The following ESR1 variants were observed in gnomAD, a reference collection of about 807,000 sequenced individuals.
ESR1 encodes estrogen receptor.
ESR1 carries 12 observed loss-of-function variants against 52.7 expected under a neutral mutation model. The ratio of observed to expected loss-of-function variants is 0.23; its 90% confidence interval spans 0.15 to 0.37. The LOEUF (loss-of-function observed/expected upper bound fraction) is 0.37. Among genes scored for constraint, ESR1 ranks in the 10% least tolerant of loss-of-function variants. The probability of loss-of-function intolerance (pLI) is 1.00; values close to 1 mark genes in which losing one functional copy is unlikely to be tolerated. For synonymous variants in ESR1, 305 were observed against 316.8 expected, an observed-to-expected ratio of 0.96 and a Z score of 0.39; for missense variants, 584 against 779.7, an observed-to-expected ratio of 0.75 and a Z score of 2.99.
chr6:152,095,840 A>C (rs2050567268), intron 7 of ESR1, among the ~76,000 whole-genome samples: 1 of 152,244 alleles, frequency 6.6e-6, no homozygotes, highest in Non-Finnish European at 1.5e-5. Context: ...CATCATTGCA[A>C]TATGGCTTGC....
rs572164158 is a variant in ESR1, at chr6:152,078,911, T to G, written c.1370-15474T>G. On this transcript the variant is annotated intron_variant, in intron 6 of 7. Transcript: ENST00000206249. ...GAGATCAACCTGCAATGCTGCTGCT[T>G]GATGCGGGGAGGGGCGTCTGCCATT... is the stretch of plus-strand genomic sequence containing the variant. Among the ~76,000 whole-genome samples the G allele has an allele frequency of 5.9e-5, 9 of 152,344 alleles. No individual in the cohort carries two copies. In the South Asian group the frequency reaches 8.3e-4, roughly 14 times the overall value.
intron 3 of ESR1, among the ~76,000 whole-genome samples, chr6:151,920,912 G>T (rs1384110340): frequency 6.6e-6 from 1 of 151,946 alleles, no homozygotes; most frequent in Admixed American, 6.6e-5. Context: ...AAGCCATTTT[G>T]TGCAGCTCAT....
intron 4 of ESR1, among the ~76,000 whole-genome samples, chr6:151,956,659 G>A (rs1189032046): frequency 1.3e-5 from 2 of 151,754 alleles, no homozygotes; most frequent in African/African-American, 4.8e-5. Context: ...CTGAAACTTA[G>A]CATAGGCTAA....
At chr6:151,750,655 T>C (rs1783832463) in intron 2 of ESR1, among the ~76,000 whole-genome samples, 1 of 152,196 alleles carries the variant, frequency 6.6e-6, no homozygotes, top group African/African-American at 2.4e-5. Context: ...TAGAAGTCTC[T>C]TCTCGAATGC....
intron 5 of ESR1, among the ~76,000 whole-genome samples, chr6:152,051,656 C>T (rs2046690142): frequency 6.6e-6 from 1 of 152,132 alleles, no homozygotes; most frequent in African/African-American, 2.4e-5. Flanking sequence ...CTCCAGACCC[C>T]AGTGTTTCTC....
chr6:151,786,297 C>T (rs893346045), intron 2 of ESR1, among the ~76,000 whole-genome samples: 11 of 152,130 alleles, frequency 7.2e-5, no homozygotes, highest in Non-Finnish European at 1.5e-5. Flanking sequence ...GCAACTGCTG[C>T]GAGCCTCCTG....
At chr6:151,991,625 A>G (rs2041028568) in intron 4 of ESR1, among the ~76,000 whole-genome samples, 1 of 152,102 alleles carries the variant, frequency 6.6e-6, no homozygotes, top group Non-Finnish European at 1.5e-5. Context: ...CCCCACACTG[A>G]TTTGGGGAAG....
intron 4 of ESR1, among the ~76,000 whole-genome samples, chr6:151,989,401 T>C (rs889012519): frequency 5.3e-5 from 8 of 151,928 alleles, no homozygotes; most frequent in African/African-American, 1.9e-4. Context: ...TCTCAATAAT[T>C]CCCCCCAAAA....
chr6:151,760,898 T>TA lies in ESR1; in HGVS notation c.-70-46939dup, dbSNP rs1257618275. ...AAAGTTTCACTTATCTATTAAAAGA[T>TA]AAAAAACTCTATGATTGAGACCTTT... On this transcript the variant is annotated intron_variant, in intron 2 of 2. Coordinates refer to the ESR1 transcript ENST00000404742. 2.0e-5 allele frequency among the ~76,000 whole-genome samples: 3 copies of TA among 152,260 alleles called. No individual in the cohort carries two copies. In the East Asian group the frequency reaches 5.8e-4, roughly 29 times the overall value.
downstream of ESR1, among the ~76,000 whole-genome samples, chr6:152,105,330 G>A (rs2051050492): frequency 1.3e-5 from 2 of 152,126 alleles, no homozygotes; most frequent in South Asian, 2.1e-4. Context: ...GTGGGACTGA[G>A]CCCTTAACCT....
At chr6:152,096,425 C>G (rs2050615452) in intron 7 of ESR1, among the ~76,000 whole-genome samples, 1 of 152,174 alleles carries the variant, frequency 6.6e-6, no homozygotes, top group Admixed American at 6.5e-5. Context: ...CGGAGACAAC[C>G]TTTAAAAATT....
chr6:152,047,668 C>T (rs576339709), intron 5 of ESR1, among the ~76,000 whole-genome samples: 2 of 152,114 alleles, frequency 1.3e-5, no homozygotes, highest in Non-Finnish European at 2.9e-5. Flanking sequence ...TCCATGAATA[C>T]CTGAAAGCCC....
chr6:152,033,560 C>T (rs9383959), intron 5 of ESR1, among the ~76,000 whole-genome samples: 59,558 of 151,966 alleles, frequency 0.39, 13,838 homozygotes, highest in African/African-American at 0.65. Flanking sequence ...TCATCACTGG[C>T]CATCAGAGAA....
intron 2 of ESR1, among the ~76,000 whole-genome samples, chr6:151,758,411 T>C (rs1461630029): frequency 1.3e-5 from 2 of 152,174 alleles, no homozygotes; most frequent in Non-Finnish European, 2.9e-5. Context: ...CAGAAAAATA[T>C]AGCATGTGTG....
At chr6:151,797,343 A>G (rs1471356722) in intron 2 of ESR1, among the ~76,000 whole-genome samples, 2 of 152,240 alleles carry the variant, frequency 1.3e-5, no homozygotes, top group East Asian at 3.9e-4. Context: ...TGAGAAAGCT[A>G]AACCAGCATG....
chr6:152,032,089 A>C (rs2044766571), intron 5 of ESR1, among the ~76,000 whole-genome samples: 1 of 152,190 alleles, frequency 6.6e-6, no homozygotes, highest in Non-Finnish European at 1.5e-5. Flanking sequence ...AAAATTCAAC[A>C]ACCCTTCATG....
At chr6:151,861,221 C>T (rs147302865) in intron 2 of ESR1, among the ~76,000 whole-genome samples, 17 of 152,022 alleles carry the variant, frequency 1.1e-4, no homozygotes, top group East Asian at 1.9e-4. Context: ...AGAACACTCC[C>T]GAAGAATGGG....
intron 5 of ESR1, among the ~76,000 whole-genome samples, chr6:152,051,490 C>G (rs2046675404): frequency 6.6e-6 from 1 of 152,182 alleles, no homozygotes; most frequent in Non-Finnish European, 1.5e-5. Flanking sequence ...CTCCTCTTGA[C>G]CTGGGACACC....
chr6:151,693,874 T>C (rs543689566), intron 1 of ESR1, among the ~76,000 whole-genome samples: 7 of 152,316 alleles, frequency 4.6e-5, no homozygotes, highest in African/African-American at 1.7e-4. Flanking sequence ...CGCCTTGGCC[T>C]CCCAAACTGC....
Sources: allele counts gnomAD v4.1 joint callset (sites outside exome capture counted in the v4.1 genomes callset), GRCh38; gene constraint gnomAD v4.1.1; transcripts MANE v1.5; gene names NCBI Gene and HGNC (gene_info 2026-07-23, HGNC 2026-07-21).